Variants in HTT observed in about 807,000 individuals in gnomAD.
The protein encoded by HTT is huntington disease protein.
HTT carries 104 observed loss-of-function variants against 362.3 expected under a neutral mutation model. The observed-to-expected ratio is 0.29, with a 90% confidence interval of 0.24 to 0.34. The LOEUF is 0.34. HTT is among the 10% of genes least tolerant of loss of function. The probability of loss-of-function intolerance (pLI) is 1.00; values close to 1 mark genes in which losing one functional copy is unlikely to be tolerated. For missense variants in HTT, 3,301 were observed against 3,928.6 expected, an observed-to-expected ratio of 0.84 and a Z score of 4.27; for synonymous variants, 1,577 against 1,548.7, an observed-to-expected ratio of 1.02 and a Z score of -0.43.
At chr4:3,235,819 T>C in intron 63 of HTT, 41 bp downstream of exon 63, 1 of 1,484,696 alleles carries the variant, frequency 6.7e-7, no homozygotes, top group Non-Finnish European at 9.2e-7. Context: ...GCCCAAGTCC[T>C]GTTCAAGGGA....
rs1019624714 is a variant in HTT at position 3,242,349 on chromosome 4, G to A, written c.*2290G>A. The A allele has an allele frequency of 6.6e-6, 1 of 152,142 alleles. No homozygotes were observed. The highest frequency in any genetic ancestry group is 1.5e-5 in the Non-Finnish European group (1 of 68,034). 9.4% of individuals were successfully genotyped at this position (152,142 alleles called of 1,614,324 possible). A position where few individuals can be genotyped will look rare whatever the true frequency, so the allele number is the denominator to read the frequency against. On this transcript the variant is annotated 3_prime_UTR_variant, in exon 67 of 67. Transcript: ENST00000355072. ...CTGTGTGCTCCGGAGATGAATATGA[G>A]CTCATTAGTAAAAATGACTTCACCC...
chr4:3,080,424 T>C (rs1037929840), intron 1 of HTT, among the ~76,000 whole-genome samples: 16 of 152,210 alleles, frequency 1.1e-4, no homozygotes, highest in African/African-American at 3.9e-4. Flanking sequence ...ATACTTACCT[T>C]GCAAACCCTT....
At chr4:3,177,522 C>A (rs925790444) in intron 34 of HTT, 135 bp downstream of exon 34, 2 of 593,198 alleles carry the variant, frequency 3.4e-6, no homozygotes, top group Admixed American at 3.6e-5. Context: ...GACTAACATA[C>A]TGTGCATTTT....
At chr4:3,103,762 T>C in intron 3 of HTT, 62 bp from the exon 4 acceptor site, 1 of 1,020,438 alleles carries the variant, frequency 9.8e-7, no homozygotes, top group Non-Finnish European at 1.5e-6. Context: ...AGTTTCCTTT[T>C]AGCTCGTTTT....
intron 57 of HTT, 121 bp downstream of exon 57, chr4:3,225,864 T>TA (rs1720886302): frequency 2.8e-4 from 191 of 670,648 alleles, no homozygotes; most frequent in South Asian, 3.2e-4. Flanking sequence ...TTCCTTTTTT[T>TA]TAAAAAAAAA....
Position 3,232,337 on chromosome 4 carries a change from C to G in HTT, c.8266-826C>G, listed in dbSNP as rs945356929. 2.6e-5 allele frequency among the ~76,000 whole-genome samples: 4 copies of G among 152,308 alleles called. No individual in the cohort carries two copies. The South Asian group carries it at 8.3e-4, about 32-fold the overall frequency. On this transcript the variant is annotated intron_variant, in intron 60 of 66. Transcript: ENST00000355072. ...CTCATCATTCCACAAAAACAAGAGG[C>G]CGCCTGGCCATCCAGCGCTCCATGG...
intron 1 of HTT, among the ~76,000 whole-genome samples, chr4:3,081,620 G>A (rs552191838): frequency 4.8e-5 from 7 of 145,506 alleles, no homozygotes; most frequent in East Asian, 2.0e-4. Flanking sequence ...GTGCAGTGGC[G>A]CGATCTCGGC....
In HTT at chr4:3,135,894, C is replaced by G; in HGVS notation, c.2634-10C>G. 6.3e-7 allele frequency: 1 copy of G among 1,594,608 alleles called. No individual in the cohort carries two copies. Among genetic ancestry groups the G allele is most frequent in the Non-Finnish European group, 8.5e-7 (1 of 1,172,680 alleles). ...AAATGATTTCATTGTTAAATGTGCTCTTTTGTTAGGCTGGTGAGCTTTTTG... is the reference window on the plus strand; with the variant it reads ...AAATGATTTCATTGTTAAATGTGCTGTTTTGTTAGGCTGGTGAGCTTTTTG... On this transcript the variant is annotated splice_polypyrimidine_tract_variant and intron_variant, in intron 19 of 66. Transcript: ENST00000355072.
At chr4:3,150,062 C>T (rs1021931974) in intron 26 of HTT, among the ~76,000 whole-genome samples, 9 of 152,174 alleles carry the variant, frequency 5.9e-5, no homozygotes, top group African/African-American at 1.9e-4. Flanking sequence ...ACTTGCCACT[C>T]CCCAGTCACT....
At chr4:3,182,518 A>G (rs765384830) in intron 37 of HTT, 48 bp downstream of exon 37, 3 of 1,210,462 alleles carry the variant, frequency 2.5e-6, no homozygotes, top group Non-Finnish European at 3.7e-6. Context: ...ATGGTAGCTT[A>G]AGGTCCTTGT....
chr4:3,132,465 C>T (rs1715866967), intron 16 of HTT, 97 bp from the exon 17 acceptor site: 9 of 1,007,554 alleles, frequency 8.9e-6, no homozygotes, highest in South Asian at 1.6e-5. Flanking sequence ...CTTCTCTTCA[C>T]ACCTCTTTTT....
At chr4:3,146,646 G>A (rs1578536488) in intron 24 of HTT, 151 bp from the exon 25 acceptor site, 2 of 676,430 alleles carry the variant, frequency 3.0e-6, no homozygotes, top group Non-Finnish European at 2.6e-6. Context: ...TGATTTATAG[G>A]AAAGATGTTA....
At chr4:3,098,094 T>C (rs376863396) in intron 2 of HTT, among the ~76,000 whole-genome samples, 38 of 152,380 alleles carry the variant, frequency 2.5e-4, no homozygotes, top group African/African-American at 8.4e-4. Context: ...CTAGGAAATA[T>C]AAAAGTGTAG....
chr4:3,239,616 G>C (rs1172376696), intron 66 of HTT, among the ~76,000 whole-genome samples: 3 of 152,222 alleles, frequency 2.0e-5, no homozygotes, highest in African/African-American at 7.2e-5. Flanking sequence ...GGTGAGTGCT[G>C]CCGAGTGGGT....
chr4:3,085,403 T>C (rs1163210110), intron 1 of HTT, among the ~76,000 whole-genome samples: 1 of 152,206 alleles, frequency 6.6e-6, no homozygotes, highest in East Asian at 1.9e-4. Flanking sequence ...CCCAAAGTGC[T>C]GGGATTACAG....
rs867077205 is a variant in HTT at position 3,131,495 on chromosome 4, A to G, written c.2098+98A>G. The G allele has an allele frequency of 1.6e-5, 23 of 1,457,274 alleles. 2 individuals are homozygous for G. The Middle Eastern group carries it at 3.8e-3, about 242-fold the overall frequency. The allele number at this position is 1,457,274 out of a possible 1,614,324, so 90.3% of individuals were successfully genotyped here. ...TTGCCTTGCGTGCAGCAGAGGAAGTAGAATCTGAGGATGAGTTTGGTTTTC... is the reference window on the plus strand; with the variant it reads ...TTGCCTTGCGTGCAGCAGAGGAAGTGGAATCTGAGGATGAGTTTGGTTTTC... On this transcript the variant is annotated intron_variant, in intron 15 of 66. Coordinates refer to ENST00000355072, the MANE Select transcript of HTT (RefSeq NM_001388492.1).
rs1438984411 is a variant in HTT at position 3,206,636 on chromosome 4, C to T, written c.5859C>T (p.Phe1953=). ...VHRNSAASGL[F]IQAIQSRCEN... ...GGAACTCTGCTGCCAGCGGCCTGTT[C>T]ATCCAGGCAATTCAGTCTCGTTGTG... The change falls in exon 43 of 67, where the codon TTC becomes TTT. Residue 1953 remains phenylalanine, a synonymous_variant. Coordinates refer to ENST00000355072, the MANE Select transcript of HTT (RefSeq NM_001388492.1). The surrounding 1 kb of genome is among the most constrained non-coding windows in gnomAD (Gnocchi z 4.6). 1.2e-6 allele frequency: 2 copies of T among 1,614,062 alleles called. No individual in the cohort carries two copies. The highest frequency in any genetic ancestry group is 2.2e-5 in the East Asian group (1 of 44,904).
intron 35 of HTT, among the ~76,000 whole-genome samples, chr4:3,180,143 C>T (rs538869452): frequency 1.6e-4 from 25 of 152,268 alleles, no homozygotes; most frequent in African/African-American, 6.0e-4. Context: ...TCTTTATTGT[C>T]TTTTCAGATG....
rs142508917 is a variant in HTT, at chr4:3,218,951, G to A, written c.7242+999G>A. ...TGCCTGCCTGTGTGTGTGTGTGCAC[G>A]TGTGTGTATGTATGCTGGAGAGTCT... is the stretch of plus-strand genomic sequence containing the variant. On this transcript the variant is annotated intron_variant, in intron 52 of 66. Transcript: ENST00000355072. The surrounding 1 kb of genome is among the most constrained non-coding windows in gnomAD (Gnocchi z 4.4). Among the ~76,000 whole-genome samples the A allele has an allele frequency of 1.5e-3, 228 of 152,322 alleles. 1 individual carries two copies. The highest frequency in any genetic ancestry group is 5.2e-3 in the African/African-American group (216 of 41,586).
Sources: allele counts gnomAD v4.1 joint callset (sites outside exome capture counted in the v4.1 genomes callset), GRCh38; gene constraint gnomAD v4.1.1; non-coding constraint Gnocchi (gnomAD v3.1); transcripts MANE v1.5; gene names NCBI Gene and HGNC (gene_info 2026-07-23, HGNC 2026-07-21).